SCG3: variants seen among roughly 807,000 people sequenced by gnomAD.
The protein encoded by SCG3 is secretogranin III, also known as secretogranin-3.
A neutral mutation model predicts 56.2 loss-of-function variants in SCG3; 38 were observed. The observed-to-expected ratio is 0.68, with a 90% CI of 0.52 to 0.89. The LOEUF is 0.89. Ranked by LOEUF, SCG3 falls within the 40% of genes least tolerant of loss-of-function variation. SCG3 has a pLI of 0.00. For synonymous variants in SCG3, 176 were observed against 184.2 expected, an observed-to-expected ratio of 0.96 and a Z score of 0.36; for missense variants, 524 against 540.7, an observed-to-expected ratio of 0.97 and a Z score of 0.31.
chr15:51,701,185 TGAA>T lies in SCG3; in HGVS notation c.1150_1152del (p.Lys384del). 6.2e-7 allele frequency: 1 copy of T among 1,612,886 alleles called. No individual in the cohort carries two copies. Among genetic ancestry groups the T allele is most frequent in the Non-Finnish European group, 8.5e-7 (1 of 1,179,628 alleles). Reference sequence around the variant, plus strand: ...AAGATGGAAAAGGAATATGGAAGCTTGAAGGATTCCACAAAAGATGATAACTCC... The same window carrying T: ...AAGATGGAAAAGGAATATGGAAGCTTGGATTCCACAAAAGATGATAACTCC... On this transcript the variant is annotated inframe_deletion, in exon 10 of 12. Coordinates refer to ENST00000220478, the MANE Select transcript of SCG3 (RefSeq NM_013243.4).
At position 51,710,032 on chromosome 15, in the gene SCG3, G is replaced by T. The variant is rs909071837; in HGVS notation, c.1208-3301G>T. Among the ~76,000 whole-genome samples the T allele has an allele frequency of 1.7e-4, 25 of 151,184 alleles. 1 individual carries two copies. The highest frequency in any genetic ancestry group is 3.1e-4 in the Non-Finnish European group (21 of 67,864). ...ATTACAGGCATGAGCCACCGCGCCCGGCCGGCTTGTAAGTTTTTTTAAGAT... is the reference window on the plus strand; with the variant it reads ...ATTACAGGCATGAGCCACCGCGCCCTGCCGGCTTGTAAGTTTTTTTAAGAT... On this transcript the variant is annotated intron_variant, in intron 10 of 11. Coordinates refer to ENST00000220478, the MANE Select transcript of SCG3 (RefSeq NM_013243.4).
chr15:51,713,628 A>C (rs1367625976), intron 11 of SCG3, among the ~76,000 whole-genome samples: 3 of 152,152 alleles, frequency 2.0e-5, no homozygotes, highest in Non-Finnish European at 4.4e-5. Flanking sequence ...CTTTTCTTTT[A>C]CGTTTTATTA....
intron 4 of SCG3, 135 bp from the exon 5 acceptor site, chr15:51,688,125 T>C (rs1388940057): frequency 2.5e-6 from 2 of 812,946 alleles, no homozygotes; most frequent in Non-Finnish European, 3.5e-6. Flanking sequence ...AGGGTTTCTG[T>C]GGACCGAGAA....
intron 9 of SCG3, 143 bp downstream of exon 9, chr15:51,699,545 A>T (rs1340111744): frequency 1.5e-6 from 1 of 649,668 alleles, no homozygotes; most frequent in East Asian, 3.0e-5. Flanking sequence ...GATTAATTAG[A>T]TGTGACCTTG....
intron 6 of SCG3, among the ~76,000 whole-genome samples, chr15:51,690,814 A>G (rs1276484294): frequency 6.6e-6 from 1 of 152,180 alleles, no homozygotes; most frequent in Non-Finnish European, 1.5e-5. Context: ...GAATGCATCA[A>G]TGCAAATAAA....
chr15:51,682,431 C>G, intron 1 of SCG3, 86 bp from the exon 2 acceptor site: 3 of 637,134 alleles, frequency 4.7e-6, no homozygotes, highest in Middle Eastern at 4.3e-4. Flanking sequence ...TAATATTTTT[C>G]CTTTTTATAA....
At position 51,685,397 on chromosome 15, in the gene SCG3, A is replaced by G. The variant is rs571584897; in HGVS notation, c.397+1963A>G. On this transcript the variant is annotated intron_variant, in intron 4 of 11. Transcript: ENST00000220478. Reference sequence around the variant, plus strand: ...GAGACATAGATCTGTTTTTGATCTGACCGCTAATTTGAGCAACTAATTTTT... The same window carrying G: ...GAGACATAGATCTGTTTTTGATCTGGCCGCTAATTTGAGCAACTAATTTTT... Among the ~76,000 whole-genome samples the G allele has an allele frequency of 2.1e-3, 326 of 152,330 alleles. 1 individual carries two copies. Among genetic ancestry groups the G allele is most frequent in the African/African-American group, 7.6e-3 (314 of 41,566 alleles).
At chr15:51,689,824 A>G (rs532927346) in intron 6 of SCG3, among the ~76,000 whole-genome samples, 1 of 152,266 alleles carries the variant, frequency 6.6e-6, no homozygotes, top group South Asian at 2.1e-4. Flanking sequence ...AAATATGTAT[A>G]TACATAAAAT....
At chr15:51,718,195 T>C (rs74015717) in intron 11 of SCG3, among the ~76,000 whole-genome samples, 1,371 of 124,930 alleles carry the variant, frequency 0.011, 21 homozygotes, top group African/African-American at 0.042. Context: ...GATAGATAGA[T>C]AGATAGACAG....
Position 51,701,177 on chromosome 15 carries a change from TG to T in SCG3, c.1142del (p.Gly381GlufsTer3). The T allele has an allele frequency of 6.2e-7, 1 of 1,613,422 alleles. No homozygotes were observed. Among genetic ancestry groups the T allele is most frequent in the South Asian group, 1.1e-5 (1 of 90,944 alleles). ...AAGCAGCTAAGATGGAAAAGGAATA[TG>T]GAAGCTTGAAGGATTCCACAAAAGA... is the stretch of plus-strand genomic sequence containing the variant. ...EEAAKMEKEYGSLKDSTKDDN... is the reference protein window; with the variant it reads ...EEAAKMEKEYXSLKDSTKDDN... On this transcript the variant is annotated frameshift_variant, in exon 10 of 12. Coordinates refer to ENST00000220478, the MANE Select transcript of SCG3 (RefSeq NM_013243.4). LOFTEE classifies it high-confidence loss of function.
At chr15:51,689,132 A>C (rs1245801576) in intron 5 of SCG3, 87 bp from the exon 6 acceptor site, 1 of 1,361,682 alleles carries the variant, frequency 7.3e-7, no homozygotes, top group Admixed American at 2.0e-5. Flanking sequence ...TAAAAAATAC[A>C]TGTTTGACTA....
At chr15:51,681,867 T>G (rs1318153390) in intron 1 of SCG3, 30 bp downstream of exon 1, 14 of 1,576,872 alleles carry the variant, frequency 8.9e-6, no homozygotes, top group East Asian at 4.5e-5. Flanking sequence ...CTTCCTACCT[T>G]CCTTTTATTT....
Position 51,701,174 on chromosome 15 carries a change from A to G in SCG3, c.1137A>G (p.Glu379=). ...TKEEAAKMEK[E]YGSLKDSTKD... is the part of the protein sequence containing the mutation. ...AAGAAGCAGCTAAGATGGAAAAGGAATATGGAAGCTTGAAGGATTCCACAA... is the reference window on the plus strand; with the variant it reads ...AAGAAGCAGCTAAGATGGAAAAGGAGTATGGAAGCTTGAAGGATTCCACAA... Residue 379 remains glutamate (E), a synonymous_variant, in exon 10 of 12, where the codon GAA becomes GAG. Transcript: ENST00000220478. 6.2e-7 allele frequency: 1 copy of G among 1,613,630 alleles called. No homozygotes were observed. Among genetic ancestry groups the G allele is most frequent in the Non-Finnish European group, 8.5e-7 (1 of 1,179,842 alleles).
chr15:51,719,747 C>A lies in SCG3; in HGVS notation c.*221C>A. On this transcript the variant is annotated 3_prime_UTR_variant, in exon 12 of 12. Coordinates refer to ENST00000220478, the MANE Select transcript of SCG3 (RefSeq NM_013243.4). Reference sequence around the variant, plus strand: ...TAAGCTGAGATTTTGTATACAGAATCCTTATTTCCTCATAGACTTATATTT... The same window carrying A: ...TAAGCTGAGATTTTGTATACAGAATACTTATTTCCTCATAGACTTATATTT... The A allele has an allele frequency of 1.9e-6, 1 of 526,756 alleles. No homozygotes were observed. The highest frequency in any genetic ancestry group is 3.4e-6 in the Non-Finnish European group (1 of 298,098). The allele number at this position is 526,756 out of a possible 1,614,324, so 32.6% of individuals were successfully genotyped here. A position where few individuals can be genotyped will look rare whatever the true frequency, so the allele number is the denominator to read the frequency against.
chr15:51,710,527 A>T (rs1047708049), intron 10 of SCG3, among the ~76,000 whole-genome samples: 5 of 152,138 alleles, frequency 3.3e-5, no homozygotes, highest in Non-Finnish European at 5.9e-5. Context: ...ATTCCATACC[A>T]TTTTTATAGG....
At chr15:51,685,019 C>T (rs1192465775) in intron 4 of SCG3, among the ~76,000 whole-genome samples, 1 of 152,258 alleles carries the variant, frequency 6.6e-6, no homozygotes, top group East Asian at 1.9e-4. Flanking sequence ...TCCATAGCTA[C>T]AGGAGATTTA....
intron 4 of SCG3, among the ~76,000 whole-genome samples, chr15:51,686,603 C>T (rs2055229996): frequency 6.6e-6 from 1 of 152,162 alleles, no homozygotes; most frequent in Non-Finnish European, 1.5e-5. Context: ...AAAAATCAGA[C>T]ACATAATAGT....
At chr15:51,700,991 CT>C in intron 9 of SCG3, 115 bp from the exon 10 acceptor site, 3 of 1,359,764 alleles carry the variant, frequency 2.2e-6, no homozygotes, top group Non-Finnish European at 3.0e-6. Context: ...TCCCTTTCAA[CT>C]CAAAATATGA....
intron 5 of SCG3, among the ~76,000 whole-genome samples, chr15:51,688,953 G>A (rs1479266016): frequency 6.6e-6 from 1 of 152,124 alleles, no homozygotes; most frequent in African/African-American, 2.4e-5. Context: ...AATGCTCAGG[G>A]TGTTTCTCAA....
Sources: allele counts gnomAD v4.1 joint callset (sites outside exome capture counted in the v4.1 genomes callset), GRCh38; gene constraint gnomAD v4.1.1; transcripts MANE v1.5; gene names NCBI Gene and HGNC (gene_info 2026-07-23, HGNC 2026-07-21).